The following TP63 variants were observed in gnomAD, a reference collection of about 807,000 sequenced individuals.
The protein encoded by TP63 is tumor protein 63.
A neutral mutation model predicts 82.8 loss-of-function variants in TP63; 17 were observed. That is an observed-to-expected ratio of 0.21 (90% CI 0.14 to 0.31). TP63 has a LOEUF of 0.31. Ranked by LOEUF, TP63 falls within the 10% of genes least tolerant of loss-of-function variation. The probability of loss-of-function intolerance (pLI) is 1.00; values close to 1 mark genes in which losing one functional copy is unlikely to be tolerated. For synonymous variants in TP63, 330 were observed against 321.7 expected, an observed-to-expected ratio of 1.03 and a Z score of -0.28; for missense variants, 648 against 895.3, an observed-to-expected ratio of 0.72 and a Z score of 3.52.
rs549310739 is a variant in TP63 at position 189,887,476 on chromosome 3, G to A, written c.1507+925G>A. Among the ~76,000 whole-genome samples the A allele has an allele frequency of 3.3e-5, 5 of 152,150 alleles. No individual in the cohort carries two copies. In the South Asian group the frequency reaches 8.3e-4, roughly 25 times the overall value. ...CACACACATTCCTCATATCAGCTAA[G>A]TACAAATGAAAAAGGCACTGTAAGA... On this transcript the variant is annotated intron_variant, in intron 11 of 13. Transcript: ENST00000264731.
Position 189,631,452 on chromosome 3 carries a change from AGG to A in TP63, c.-63_-62del. ...CCCGGCTTTATATCTATATATACACAGGTATATGTGTATATTTTATATAATTG... is the reference window on the plus strand; with the variant it reads ...CCCGGCTTTATATCTATATATACACATATATGTGTATATTTTATATAATTG... On this transcript the variant is annotated 5_prime_UTR_variant, in exon 1 of 14. Coordinates refer to ENST00000264731, the MANE Select transcript of TP63 (RefSeq NM_003722.5). 6.2e-7 allele frequency: 1 copy of A among 1,608,356 alleles called. No individual in the cohort carries two copies. The highest frequency in any genetic ancestry group is 8.5e-7 in the Non-Finnish European group (1 of 1,176,680).
chr3:189,618,241 A>G, the TP63 span, among the ~76,000 whole-genome samples: 7 of 152,188 alleles, frequency 4.6e-5, no homozygotes, highest in Admixed American at 4.6e-4. Flanking sequence ...GGTTTCTTTC[A>G]CTGAGAAACC....
chr3:189,786,915 T>G (rs1724649371), intron 3 of TP63, among the ~76,000 whole-genome samples: 1 of 152,100 alleles, frequency 6.6e-6, no homozygotes, highest in Non-Finnish European at 1.5e-5. Context: ...GATCCACATA[T>G]AAGCATTGTT....
chr3:189,840,359 C>CTTTTTTTTT lies in TP63; in HGVS notation c.580-23853_580-23845dup. Among the ~76,000 whole-genome samples, 9 of 44,436 alleles carry CTTTTTTTTT rather than the reference C, an allele frequency of 2.0e-4. 1 individual carries two copies. The highest frequency in any genetic ancestry group is 8.3e-4 in the East Asian group (1 of 1,200). 29.2% of individuals were successfully genotyped at this position (44,436 alleles called of 152,430 possible). On this transcript the variant is annotated intron_variant, in intron 4 of 13. Transcript: ENST00000264731. Reference sequence around the variant, plus strand: ...GAGTTTTTTCTTTTTTGCTTTTCGTCTTTTTTTTTTTTTTTTTTTTTTTTT... The same window carrying CTTTTTTTTT: ...GAGTTTTTTCTTTTTTGCTTTTCGTCTTTTTTTTTTTTTTTTTTTTTTTTTTTTTTTTTT...
At chr3:189,879,268 A>G (rs1294501222) in intron 10 of TP63, among the ~76,000 whole-genome samples, 3 of 152,244 alleles carry the variant, frequency 2.0e-5, no homozygotes, top group Non-Finnish European at 2.9e-5. Flanking sequence ...CAAGAAGCCA[A>G]TCTGGGAAAC....
chr3:189,786,865 A>T (rs546652622), intron 3 of TP63, among the ~76,000 whole-genome samples: 4 of 152,226 alleles, frequency 2.6e-5, no homozygotes, highest in African/African-American at 9.6e-5. Flanking sequence ...CTAGGTGGTT[A>T]GAAAATTAAT....
At chr3:189,872,336 G>A (rs562572024) in intron 9 of TP63, among the ~76,000 whole-genome samples, 3 of 151,324 alleles carry the variant, frequency 2.0e-5, no homozygotes, top group Non-Finnish European at 2.9e-5. Flanking sequence ...ATATACCGTT[G>A]ACTCATTAAC....
chr3:189,785,631 A>G (rs1724545318), intron 3 of TP63, among the ~76,000 whole-genome samples: 1 of 152,084 alleles, frequency 6.6e-6, no homozygotes, highest in South Asian at 2.1e-4. Context: ...CAGAAGGACA[A>G]AAATAGCCAG....
intron 1 of TP63, among the ~76,000 whole-genome samples, chr3:189,706,726 C>T (rs757951713): frequency 6.6e-6 from 1 of 152,080 alleles, no homozygotes; most frequent in Admixed American, 6.5e-5. Flanking sequence ...ATCAGCCAGG[C>T]GAATTTAAAA....
rs1359986079 is a variant in TP63 at position 189,866,831 on chromosome 3, C to G, written c.882+34C>G. 5.2e-6 allele frequency: 8 copies of G among 1,539,448 alleles called. No homozygotes were observed. In the Admixed American group the frequency reaches 1.3e-4, roughly 26 times the overall value. On this transcript the variant is annotated intron_variant, in intron 6 of 13. Transcript: ENST00000264731. ...CAAAAAACCAAACCAAAAAACAACA[C>G]CTCTATGGACTGAGTAGACTTGAGA...
In TP63 at chr3:189,896,429, G is replaced by A. The variant is rs1721478697; in HGVS notation, c.*1927G>A. The A allele has an allele frequency of 1.0e-5, 2 of 200,160 alleles. No homozygotes were observed. Among genetic ancestry groups the A allele is most frequent in the African/African-American group, 4.6e-5 (2 of 43,484 alleles). 12.4% of individuals were successfully genotyped at this position (200,160 alleles called of 1,614,324 possible). A position where few individuals can be genotyped will look rare whatever the true frequency, so the allele number is the denominator to read the frequency against. On this transcript the variant is annotated 3_prime_UTR_variant, in exon 14 of 14. Transcript: ENST00000264731. Reference sequence around the variant, plus strand: ...ATAATGCTACAATTTTAAGAGGGGAGGGAAGGGAAAGTTTTTTTTTATTAT... The same window carrying A: ...ATAATGCTACAATTTTAAGAGGGGAAGGAAGGGAAAGTTTTTTTTTATTAT...
intron 3 of TP63, among the ~76,000 whole-genome samples, chr3:189,800,010 CCAA>C (rs758690531): frequency 2.0e-5 from 3 of 151,970 alleles, no homozygotes; most frequent in Non-Finnish European, 4.4e-5. Context: ...GCAGAGAAGA[CCAA>C]CATTTTTAAA....
chr3:189,812,571 G>A (rs1199141179), intron 4 of TP63, among the ~76,000 whole-genome samples: 1 of 152,124 alleles, frequency 6.6e-6, no homozygotes, highest in Admixed American at 6.6e-5. Context: ...ATTTCAACTC[G>A]GAAACTTACT....
rs546989341 is a variant in TP63 at position 189,711,758 on chromosome 3, T to A, written c.63-25982T>A. ...GACAATTTAAAAAATATAACCTGTT[T>A]TCTTTCATGTGGGTATAATGTCTCC... is the stretch of plus-strand genomic sequence containing the variant. On this transcript the variant is annotated intron_variant, in intron 1 of 13. Transcript: ENST00000264731. Among the ~76,000 whole-genome samples the A allele has an allele frequency of 1.0e-3, 154 of 152,328 alleles. 2 individuals carry two copies. The South Asian group carries it at 0.03, about 30-fold the overall frequency.
chr3:189,893,207 A>G (rs1229670705), intron 13 of TP63, among the ~76,000 whole-genome samples: 3 of 152,244 alleles, frequency 2.0e-5, no homozygotes, highest in African/African-American at 7.2e-5. Flanking sequence ...TTTATAAAAT[A>G]CTTTCATAGC....
chr3:189,789,865 C>T (rs771497649), intron 3 of TP63: 1 of 1,557,126 alleles, frequency 6.4e-7, no homozygotes, highest in Admixed American at 2.0e-5. Context: ...GATTTTAGCA[C>T]TCCATTTAGA....
At chr3:189,777,450 G>A (rs539901873) in intron 3 of TP63, among the ~76,000 whole-genome samples, 9 of 152,134 alleles carry the variant, frequency 5.9e-5, no homozygotes, top group Admixed American at 1.3e-4. Flanking sequence ...ACCCGCCTCC[G>A]TCTCCCAAAA....
intron 3 of TP63, among the ~76,000 whole-genome samples, chr3:189,762,994 G>A (rs576574699): frequency 2.8e-4 from 42 of 152,334 alleles, no homozygotes; most frequent in African/African-American, 9.6e-4. Context: ...CTGCTTGCCA[G>A]GTGTGGTGGC....
chr3:189,730,585 C>A (rs1560140981), intron 1 of TP63, among the ~76,000 whole-genome samples: 1 of 152,202 alleles, frequency 6.6e-6, no homozygotes, highest in African/African-American at 2.4e-5. Flanking sequence ...GTAACAACTT[C>A]CCTATCCTTG....
Sources: gnomAD v4.1 joint callset for allele counts (sites outside exome capture counted in the v4.1 genomes callset) on GRCh38, gnomAD v4.1.1 for gene constraint, MANE v1.5 for transcripts, NCBI Gene and HGNC (gene_info 2026-07-23, HGNC 2026-07-21) for gene names.